The following AKAP13 variants were observed in gnomAD, a reference collection of about 807,000 sequenced individuals.
The protein encoded by AKAP13 is A-kinase anchor protein 13.
A neutral mutation model predicts 264.5 loss-of-function variants in AKAP13; 80 were observed. The ratio of observed to expected loss-of-function variants is 0.30; its 90% CI spans 0.25 to 0.36. The LOEUF is 0.36. Ranked by LOEUF, AKAP13 falls within the 10% of genes least tolerant of loss-of-function variation. AKAP13 has a pLI of 1.00. For synonymous variants in AKAP13, 1,380 were observed against 1,250.2 expected, an observed-to-expected ratio of 1.10 and a Z score of -2.19; for missense variants, 3,712 against 3,435.2, an observed-to-expected ratio of 1.08 and a Z score of -2.01.
chr15:85,457,577 A>G (rs1375857204), intron 1 of AKAP13, among the ~76,000 whole-genome samples: 1 of 152,174 alleles, frequency 6.6e-6, no homozygotes, highest in Non-Finnish European at 1.5e-5. Context: ...CCTTGGAGTG[A>G]TCTGTATGTC....
chr15:85,640,963 T>C (rs2082281431), intron 9 of AKAP13, among the ~76,000 whole-genome samples: 2 of 152,158 alleles, frequency 1.3e-5, no homozygotes, highest in Non-Finnish European at 2.9e-5. Context: ...ATTTAGTCTT[T>C]TTAGAGTAAT....
intron 10 of AKAP13, among the ~76,000 whole-genome samples, chr15:85,652,982 C>G (rs1047102847): frequency 1.3e-5 from 2 of 152,128 alleles, no homozygotes; most frequent in South Asian, 4.1e-4. Context: ...AGCTCACATT[C>G]TGAGAAGGAC....
chr15:85,575,307 T>C lies in AKAP13; in HGVS notation c.839T>C (p.Met280Thr), dbSNP rs547831166. ...DGCTGPIFKL[M>T]NIQQQLMKTN... ...TGCACTGGACCAATTTTTAAACTTA[T>C]GAACATCCAACAGCAACTAATGGTA... The change falls in exon 6 of 37, where the codon ATG becomes ACG. Residue 280 changes from methionine to threonine, a missense_variant. Transcript: ENST00000394518. 15 of 1,614,202 alleles carry C rather than the reference T, an allele frequency of 9.3e-6. No individual in the cohort carries two copies. Among genetic ancestry groups the C allele is most frequent in the East Asian group, 2.2e-5 (1 of 44,886 alleles).
At chr15:85,422,341 G>A (rs1165834435) in intron 1 of AKAP13, among the ~76,000 whole-genome samples, 2 of 152,214 alleles carry the variant, frequency 1.3e-5, no homozygotes, top group Middle Eastern at 3.4e-3. Flanking sequence ...AGGAGATGAT[G>A]GTTACATGAT....
chr15:85,399,535 A>AAAAAAAAAAAAAAAAAAAAT (rs1567038735), intron 1 of AKAP13, among the ~76,000 whole-genome samples: 2 of 105,596 alleles, frequency 1.9e-5, no homozygotes, highest in Admixed American at 1.1e-4. Flanking sequence ...AAAAAATAAA[A>AAAAAAAAAAAAAAAAAAAAT]AAATAAATAA....
At chr15:85,734,222 C>G (rs764607554) in intron 30 of AKAP13, among the ~76,000 whole-genome samples, 1 of 152,156 alleles carries the variant, frequency 6.6e-6, no homozygotes, top group Non-Finnish European at 1.5e-5. Flanking sequence ...AGAAGTTAGA[C>G]CCTGTGTTCT....
rs751236578 is a variant in AKAP13, at chr15:85,721,976, C to G, written c.6253-15C>G. The G allele has an allele frequency of 1.9e-6, 3 of 1,613,516 alleles. No individual in the cohort carries two copies. Among genetic ancestry groups the G allele is most frequent in the South Asian group, 2.2e-5 (2 of 90,978 alleles). On this transcript the variant is annotated splice_polypyrimidine_tract_variant and intron_variant, in intron 23 of 36. Coordinates refer to ENST00000394518, the MANE Select transcript of AKAP13 (RefSeq NM_007200.5). The stretch of plus-strand genomic sequence containing the variant: ...GGCGCCCCATGGCATAACTTCTGTT[C>G]TCTTTTCTCTGCAGTTTTCAGGTGA...
In AKAP13 at chr15:85,727,319, C is replaced by A; in HGVS notation, c.7005-62C>A. 6.2e-7 allele frequency: 1 copy of A among 1,613,176 alleles called. No homozygotes were observed. Among genetic ancestry groups the A allele is most frequent in the Non-Finnish European group, 8.5e-7 (1 of 1,179,318 alleles). ...CTGTGTGATTTCATAACAGGCTGGA[C>A]TGTGACCAGAGTAATTGACATCTTA... On this transcript the variant is annotated intron_variant, in intron 28 of 36. Transcript: ENST00000394518. This position sits in a 1 kb window ranked among gnomAD's most constrained non-coding sequence, Gnocchi z 5.3.
At chr15:85,677,143 G>T (rs927537429) in intron 14 of AKAP13, 3 of 985,250 alleles carry the variant, frequency 3.0e-6, no homozygotes, top group South Asian at 4.7e-5. Context: ...TTGAAGGTCT[G>T]ACCAGCTCAG....
intron 4 of AKAP13, among the ~76,000 whole-genome samples, chr15:85,538,615 G>C (rs1032893991): frequency 1.3e-5 from 2 of 149,076 alleles, no homozygotes; most frequent in African/African-American, 5.0e-5. Context: ...TCAGCCTCCC[G>C]AGTAGCCGGG....
chr15:85,740,225 G>T lies in AKAP13; in HGVS notation c.7561G>T (p.Val2521Phe). The T allele has an allele frequency of 1.9e-6, 3 of 1,614,184 alleles. No homozygotes were observed. The African/African-American group carries it at 4.0e-5, about 22-fold the overall frequency. The change falls in exon 34 of 37, where the codon GTT becomes TTT. Residue 2521 changes from valine to phenylalanine, a missense_variant. Transcript: ENST00000394518. ...VFMLKRNSEQVVQSVVHLYEL... is the reference protein window; with the variant it reads ...VFMLKRNSEQFVQSVVHLYEL... ...TTCCATTTTGTTCCTTTGGCAGCAG[G>T]TTGTCCAGAGCGTTGTTCATCTCTA...
intron 35 of AKAP13, among the ~76,000 whole-genome samples, chr15:85,741,722 AAACAAAC>A (rs1422964715): frequency 1.9e-4 from 16 of 84,148 alleles, no homozygotes; most frequent in South Asian, 1.1e-3. Context: ...AAAAACAAAC[AAACAAAC>A]AAAAAAAAAA....
At chr15:85,629,746 A>AATATT (rs1239693504) in intron 8 of AKAP13, among the ~76,000 whole-genome samples, 1 of 140,918 alleles carries the variant, frequency 7.1e-6, no homozygotes, top group African/African-American at 2.6e-5. Context: ...CTAGAAATAT[A>AATATT]ATGAGTTCCT....
intron 1 of AKAP13, among the ~76,000 whole-genome samples, chr15:85,387,754 T>C (rs536589493): frequency 2.6e-5 from 4 of 152,238 alleles, no homozygotes; most frequent in Non-Finnish European, 5.9e-5. Flanking sequence ...TTTTGTAGTT[T>C]TTAGCAATTG....
At chr15:85,728,854 ATT>A (rs200020735) in intron 29 of AKAP13, among the ~76,000 whole-genome samples, 63 of 149,882 alleles carry the variant, frequency 4.2e-4, no homozygotes, top group African/African-American at 1.4e-3. Flanking sequence ...AAAAAAAAAA[ATT>A]TTTTTTTTTA....
chr15:85,654,936 A>G (rs2083029732), intron 10 of AKAP13, among the ~76,000 whole-genome samples: 1 of 152,210 alleles, frequency 6.6e-6, no homozygotes, highest in Admixed American at 6.5e-5. Flanking sequence ...TCACGCCTGT[A>G]ATCCCACCAT....
chr15:85,540,219 A>G (rs1184562680), intron 4 of AKAP13, among the ~76,000 whole-genome samples: 2 of 152,156 alleles, frequency 1.3e-5, no homozygotes, highest in East Asian at 3.9e-4. Context: ...CGTGGGCAGG[A>G]TGGAGCTCCA....
At chr15:85,553,310 A>G (rs1456328171) in intron 5 of AKAP13, among the ~76,000 whole-genome samples, 2 of 151,434 alleles carry the variant, frequency 1.3e-5, no homozygotes, top group African/African-American at 4.9e-5. Context: ...CTGGTCTTGA[A>G]CTCCTGACCT....
intron 1 of AKAP13, among the ~76,000 whole-genome samples, chr15:85,384,553 C>G (rs1194839006): frequency 6.6e-6 from 1 of 151,944 alleles, no homozygotes; most frequent in Non-Finnish European, 1.5e-5. Flanking sequence ...CACATCTCTA[C>G]TAAAAATACA....
Sources: allele counts gnomAD v4.1 joint callset (sites outside exome capture counted in the v4.1 genomes callset), GRCh38; gene constraint gnomAD v4.1.1; non-coding constraint Gnocchi (gnomAD v3.1); transcripts MANE v1.5; gene names NCBI Gene and HGNC (gene_info 2026-07-23, HGNC 2026-07-21).